FAM107B: variants seen among roughly 807,000 people sequenced by gnomAD.
The protein encoded by FAM107B is family with sequence similarity 107 member B, also known as protein FAM107B.
Under a neutral mutation model 31.5 loss-of-function variants are expected in FAM107B, and 21 were observed. That is an observed-to-expected ratio of 0.67 (90% CI 0.47 to 0.96). The LOEUF is 0.96. FAM107B is among the 40% of genes least tolerant of loss of function. FAM107B has a pLI of 0.00. For synonymous variants in FAM107B, 157 were observed against 141.5 expected, an observed-to-expected ratio of 1.11 and a Z score of -0.78; for missense variants, 452 against 377.1, an observed-to-expected ratio of 1.20 and a Z score of -1.64.
Position 14,713,552 on chromosome 10 carries a change from T to C in FAM107B, c.412-45861A>G, listed in dbSNP as rs780324120. Among the ~76,000 whole-genome samples, 4 of 152,168 alleles carry C rather than the reference T, an allele frequency of 2.6e-5. 1 individual carries two copies. The highest frequency in any genetic ancestry group is 7.2e-5 in the African/African-American group (3 of 41,436). On this transcript the variant is annotated intron_variant, in intron 1 of 4. Transcript: ENST00000181796. The stretch of plus-strand genomic sequence containing the variant: ...GACACTGGAGTTCTCTTTTCCCTAT[T>C]GTGCACCAAAATTCTGGAACAGACA...
At chr10:14,660,547 T>A (rs1197026889) in intron 2 of FAM107B, among the ~76,000 whole-genome samples, 2 of 152,264 alleles carry the variant, frequency 1.3e-5, no homozygotes, top group Non-Finnish European at 2.9e-5. Flanking sequence ...ATGTAATTTC[T>A]ACTCATTTGG....
intron 2 of FAM107B, among the ~76,000 whole-genome samples, chr10:14,632,223 A>G (rs1192324378): frequency 1.4e-5 from 2 of 147,896 alleles, no homozygotes; most frequent in African/African-American, 2.5e-5. Flanking sequence ...ACTTGAACCC[A>G]GAAGGCAGAG....
At chr10:14,716,370 C>G (rs1288229110) in intron 1 of FAM107B, among the ~76,000 whole-genome samples, 1 of 152,226 alleles carries the variant, frequency 6.6e-6, no homozygotes, top group African/African-American at 2.4e-5. Flanking sequence ...CAGCTGCTCA[C>G]CGGCTGTTGG....
intron 2 of FAM107B, among the ~76,000 whole-genome samples, chr10:14,645,015 T>G (rs1440209792): frequency 5.3e-5 from 8 of 152,160 alleles, no homozygotes; most frequent in Non-Finnish European, 1.2e-4. Context: ...GCTCACCAAG[T>G]GTCACGGGGA....
chr10:14,704,407 AAC>A (rs1855474995), intron 1 of FAM107B, among the ~76,000 whole-genome samples: 2 of 152,070 alleles, frequency 1.3e-5, no homozygotes, highest in African/African-American at 4.8e-5. Context: ...TCCAATAACA[AAC>A]AGTTTCCAAC....
At chr10:14,532,776 A>G (rs1186828555) in intron 2 of FAM107B, 1 of 152,238 alleles carries the variant, frequency 6.6e-6, no homozygotes, top group African/African-American at 2.4e-5. Context: ...ACACTTCCAT[A>G]AAAGGCTCCG....
intron 2 of FAM107B, among the ~76,000 whole-genome samples, chr10:14,665,914 TC>T (rs1357711619): frequency 6.6e-6 from 1 of 152,226 alleles, no homozygotes; most frequent in Admixed American, 6.5e-5. Flanking sequence ...ATATTTTTTT[TC>T]ATATCGCAGA....
chr10:14,645,428 G>A (rs957803443), intron 2 of FAM107B, among the ~76,000 whole-genome samples: 28 of 152,158 alleles, frequency 1.8e-4, no homozygotes, highest in African/African-American at 6.3e-4. Context: ...TTTCCCGTTC[G>A]TCTAAGCAAG....
chr10:14,556,249 G>T, intron 2 of FAM107B: 1 of 654,896 alleles, frequency 1.5e-6, no homozygotes, highest in Non-Finnish European at 1.9e-6. Context: ...CGTCCTTCCT[G>T]TCATCAGAAC....
chr10:14,715,500 G>A (rs1265526325), intron 1 of FAM107B, among the ~76,000 whole-genome samples: 1 of 152,206 alleles, frequency 6.6e-6, no homozygotes, highest in Non-Finnish European at 1.5e-5. Context: ...AATTTCTTGT[G>A]TCAAGTTGAC....
chr10:14,628,262 G>C (rs138566286), intron 2 of FAM107B, among the ~76,000 whole-genome samples: 1 of 151,634 alleles, frequency 6.6e-6, no homozygotes, highest in Non-Finnish European at 1.5e-5. Context: ...GATTACAGGC[G>C]CCCACCATCA....
intron 1 of FAM107B, among the ~76,000 whole-genome samples, chr10:14,767,020 GTATGTATATATATATATATA>G (rs1333350391): frequency 3.3e-5 from 1 of 30,414 alleles, no homozygotes; most frequent in African/African-American, 8.5e-5. Context: ...TCCCTGATGT[GTATGTATATATATATATATA>G]TATATATATA....
Position 14,621,609 on chromosome 10 carries a change from A to G in FAM107B, c.469+46025T>C, listed in dbSNP as rs151264464. On this transcript the variant is annotated intron_variant, in intron 2 of 4. Coordinates refer to ENST00000181796, the MANE Select transcript of FAM107B (RefSeq NM_031453.4). ...TAATTTTTACCTTAGTCAGGCTGCA[A>G]TTCTATTAAAAGAAACAGGATACAT... Among the ~76,000 whole-genome samples the G allele has an allele frequency of 6.0e-3, 912 of 152,340 alleles. 8 individuals are homozygous for G. The highest frequency in any genetic ancestry group is 0.02 in the African/African-American group (849 of 41,584).
intron 1 of FAM107B, among the ~76,000 whole-genome samples, chr10:14,705,995 C>A (rs1430514134): frequency 6.6e-6 from 1 of 152,180 alleles, no homozygotes; most frequent in African/African-American, 2.4e-5. Context: ...TTGCTAAACT[C>A]CTATACAATA....
chr10:14,587,394 C>A (rs370076987), intron 2 of FAM107B, among the ~76,000 whole-genome samples: 6 of 152,154 alleles, frequency 3.9e-5, no homozygotes, highest in Non-Finnish European at 5.9e-5. Flanking sequence ...TTTATCCAAT[C>A]GCGGGAAGTT....
chr10:14,769,533 C>T (rs984286704), intron 1 of FAM107B, among the ~76,000 whole-genome samples: 2 of 152,026 alleles, frequency 1.3e-5, no homozygotes, highest in South Asian at 2.1e-4. Context: ...TACGGGCGCC[C>T]GCCACCACGA....
chr10:14,666,158 A>C (rs901830443), intron 2 of FAM107B, among the ~76,000 whole-genome samples: 4 of 152,220 alleles, frequency 2.6e-5, no homozygotes, highest in African/African-American at 9.6e-5. Context: ...ACAGATTAAC[A>C]GAAAGATTAT....
chr10:14,752,723 G>A lies in FAM107B; in HGVS notation c.411+21530C>T, dbSNP rs534337364. ...GAGCCAGGTGGCTTGCTGAGCCACA[G>A]GAGTTCAAGACCAGCCTGGGCAATG... On this transcript the variant is annotated intron_variant, in intron 1 of 4. Coordinates refer to ENST00000181796, the MANE Select transcript of FAM107B (RefSeq NM_031453.4). Among the ~76,000 whole-genome samples the A allele has an allele frequency of 1.2e-4, 19 of 152,304 alleles. No homozygotes were observed. The South Asian group carries it at 3.9e-3, about 32-fold the overall frequency.
intron 1 of FAM107B, among the ~76,000 whole-genome samples, chr10:14,669,312 G>A (rs1394792530): frequency 6.7e-6 from 1 of 149,852 alleles, no homozygotes; most frequent in Non-Finnish European, 1.5e-5. Context: ...GGAGGTTGCC[G>A]TGAGCTGAGA....
Sources: allele counts gnomAD v4.1 joint callset (sites outside exome capture counted in the v4.1 genomes callset), GRCh38; gene constraint gnomAD v4.1.1; transcripts MANE v1.5; gene names NCBI Gene and HGNC (gene_info 2026-07-23, HGNC 2026-07-21).